The following COMMD10 variants were observed in gnomAD, a reference collection of about 807,000 sequenced individuals.
COMMD10 encodes COMM domain-containing protein 10.
Under a neutral mutation model 28.9 loss-of-function variants are expected in COMMD10, and 33 were observed. That is an observed-to-expected ratio of 1.14 (90% CI 0.87 to 1.53). The LOEUF is 1.53. Ranked by LOEUF, COMMD10 falls within the 40% of genes most tolerant of loss-of-function variation. The pLI is 0.00. For missense variants in COMMD10, 310 were observed against 233.4 expected (o/e 1.33, Z -2.14); for synonymous variants, 110 against 81.7 (o/e 1.35, Z -1.87).
At chr5:116,248,537 G>C (rs563078228) in intron 5 of COMMD10, among the ~76,000 whole-genome samples, 4 of 152,020 alleles carry the variant, frequency 2.6e-5, no homozygotes, top group Admixed American at 2.0e-4. Flanking sequence ...AAAATAGCCT[G>C]TACAGTTCTG....
chr5:116,285,318 G>A (rs911447423), intron 5 of COMMD10, among the ~76,000 whole-genome samples: 2 of 151,746 alleles, frequency 1.3e-5, no homozygotes, highest in African/African-American at 4.9e-5. Flanking sequence ...AAAATTTTTG[G>A]ACTCCTTGGG....
Position 116,222,426 on chromosome 5 carries a change from G to T in COMMD10, c.511-69091G>T, listed in dbSNP as rs996553669. Among the ~76,000 whole-genome samples the T allele has an allele frequency of 3.9e-5, 6 of 152,226 alleles. No homozygotes were observed. In the South Asian group the frequency reaches 1.2e-3, roughly 32 times the overall value. ...AATTATAGTTTCTGTACCCATTAGG[G>T]TATCAAAGTCTTATATTCAAATTAT... On this transcript the variant is annotated intron_variant, in intron 5 of 6. Coordinates refer to ENST00000274458, the MANE Select transcript of COMMD10 (RefSeq NM_016144.4).
At chr5:116,149,443 A>G (rs900883841) in intron 5 of COMMD10, among the ~76,000 whole-genome samples, 1 of 148,220 alleles carries the variant, frequency 6.7e-6, no homozygotes, top group Non-Finnish European at 1.5e-5. Flanking sequence ...AGACTTCCAC[A>G]ATGGTTGAAC....
At chr5:116,110,033 G>T (rs1214562970) in intron 4 of COMMD10, among the ~76,000 whole-genome samples, 10 of 152,154 alleles carry the variant, frequency 6.6e-5, no homozygotes, top group Non-Finnish European at 1.3e-4. Context: ...TTAATATTAT[G>T]ATGCATATTT....
chr5:116,113,435 T>G (rs1751126758), intron 4 of COMMD10, among the ~76,000 whole-genome samples: 4 of 146,982 alleles, frequency 2.7e-5, no homozygotes, highest in Admixed American at 2.1e-4. Flanking sequence ...TACCAGTAAT[T>G]CATAAGTTCA....
chr5:116,232,376 T>C (rs749908111), intron 5 of COMMD10, among the ~76,000 whole-genome samples: 1 of 150,872 alleles, frequency 6.6e-6, no homozygotes, highest in Non-Finnish European at 1.5e-5. Flanking sequence ...AATTGAAATA[T>C]CAAAATCATG....
intron 5 of COMMD10, among the ~76,000 whole-genome samples, chr5:116,176,450 A>C (rs1366070750): frequency 6.6e-6 from 1 of 152,174 alleles, no homozygotes; most frequent in African/African-American, 2.4e-5. Flanking sequence ...GCTTTTACAA[A>C]TAGAATCTAA....
intron 5 of COMMD10, among the ~76,000 whole-genome samples, chr5:116,255,402 G>T (rs892023716): frequency 1.1e-4 from 17 of 151,498 alleles, no homozygotes; most frequent in Non-Finnish European, 2.1e-4. Flanking sequence ...CTTGATGGTC[G>T]TTACATTTTG....
At chr5:116,225,890 GA>G (rs1399258411) in intron 5 of COMMD10, among the ~76,000 whole-genome samples, 1 of 151,896 alleles carries the variant, frequency 6.6e-6, no homozygotes, top group Non-Finnish European at 1.5e-5. Context: ...TGTCAGCTAG[GA>G]ATTTGTGTAG....
At chr5:116,092,479 T>G (rs965399054) in intron 3 of COMMD10, 66 bp from the exon 4 acceptor site, 32 of 1,123,178 alleles carry the variant, frequency 2.8e-5, no homozygotes, top group Non-Finnish European at 3.8e-5. Flanking sequence ...GTTTTGTATT[T>G]AGTATAGTTT....
At chr5:116,180,395 T>G (rs1369858026) in intron 5 of COMMD10, among the ~76,000 whole-genome samples, 2 of 152,146 alleles carry the variant, frequency 1.3e-5, no homozygotes, top group African/African-American at 4.8e-5. Flanking sequence ...ATTTATCTTT[T>G]GTTTAGGTCC....
intron 5 of COMMD10, among the ~76,000 whole-genome samples, chr5:116,178,945 T>C (rs62384210): frequency 0.31 from 47,620 of 151,972 alleles, 10,341 homozygotes; most frequent in African/African-American, 0.62. Context: ...ATAATATACC[T>C]GAACCAGAGG....
chr5:116,151,884 C>G (rs1409195870), intron 5 of COMMD10, among the ~76,000 whole-genome samples: 1 of 152,010 alleles, frequency 6.6e-6, no homozygotes, highest in African/African-American at 2.4e-5. Flanking sequence ...TTAGTTATTT[C>G]TTGCCTTCTG....
intron 5 of COMMD10, among the ~76,000 whole-genome samples, chr5:116,264,808 C>T (rs1025542614): frequency 2.0e-5 from 3 of 151,746 alleles, no homozygotes; most frequent in Admixed American, 6.6e-5. Context: ...ATGCAAAGTA[C>T]GGTCAGTTCT....
intron 5 of COMMD10, among the ~76,000 whole-genome samples, chr5:116,211,423 A>G (rs908211960): frequency 6.6e-6 from 1 of 152,154 alleles, no homozygotes; most frequent in Admixed American, 6.5e-5. Context: ...GTATTTGTAT[A>G]TTTAAACATA....
intron 5 of COMMD10, among the ~76,000 whole-genome samples, chr5:116,153,985 TG>T (rs1752621324): frequency 6.6e-6 from 1 of 152,090 alleles, no homozygotes; most frequent in African/African-American, 2.4e-5. Flanking sequence ...GAATCCATAC[TG>T]GATTTTATTA....
intron 5 of COMMD10, among the ~76,000 whole-genome samples, chr5:116,234,429 A>G (rs577968031): frequency 5.5e-4 from 84 of 152,312 alleles, no homozygotes; most frequent in Non-Finnish European, 9.7e-4. Flanking sequence ...ACAAGGTCAC[A>G]TGGACAGGAA....
intron 5 of COMMD10, among the ~76,000 whole-genome samples, chr5:116,142,845 A>G (rs1378894696): frequency 6.6e-6 from 1 of 151,690 alleles, no homozygotes; most frequent in Non-Finnish European, 1.5e-5. Context: ...AATAACTCTT[A>G]TGTGTTAGAT....
intron 5 of COMMD10, among the ~76,000 whole-genome samples, chr5:116,259,326 T>G (rs1483149085): frequency 6.6e-6 from 1 of 151,644 alleles, no homozygotes; most frequent in Non-Finnish European, 1.5e-5. Context: ...GGCTTTGTAT[T>G]GTCATTATTT....
Sources: allele counts gnomAD v4.1 joint callset (sites outside exome capture counted in the v4.1 genomes callset), GRCh38; gene constraint gnomAD v4.1.1; transcripts MANE v1.5; gene names NCBI Gene and HGNC (gene_info 2026-07-23, HGNC 2026-07-21).